CENPK: variants seen among roughly 807,000 people sequenced by gnomAD.
CENPK encodes centromere protein K.
A neutral mutation model predicts 40.9 loss-of-function variants in CENPK; 46 were observed. That is an observed-to-expected ratio of 1.13 (90% confidence interval 0.89 to 1.44). The LOEUF (loss-of-function observed/expected upper bound fraction) is 1.44. Among genes scored for constraint, CENPK ranks in the 40% most tolerant of loss-of-function variants. CENPK has a pLI of 0.00. For synonymous variants in CENPK, 107 were observed against 104.4 expected, an observed-to-expected ratio of 1.02 and a Z score of -0.15; for missense variants, 288 against 303.5, an observed-to-expected ratio of 0.95 and a Z score of 0.38.
At chr5:65,537,298 T>C (rs940350732) in intron 6 of CENPK, among the ~76,000 whole-genome samples, 12 of 152,192 alleles carry the variant, frequency 7.9e-5, no homozygotes. Context: ...TTCTCAGCTA[T>C]AGGTGAATAA....
At chr5:65,502,153 G>A in the CENPK span, among the ~76,000 whole-genome samples, 4 of 152,138 alleles carry the variant, frequency 2.6e-5, no homozygotes, top group African/African-American at 7.2e-5. Flanking sequence ...TTTTTCCATG[G>A]TGTTTAGCTG....
chr5:65,514,471 T>C (rs569741448), downstream of CENPK, among the ~76,000 whole-genome samples: 33 of 152,156 alleles, frequency 2.2e-4, no homozygotes, highest in African/African-American at 8.0e-4. Context: ...TTCACCATAT[T>C]GGTCAGGCTA....
At chr5:65,552,425 A>C (rs1304461631) in intron 4 of CENPK, 68 bp downstream of exon 4, 1 of 979,542 alleles carries the variant, frequency 1.0e-6, no homozygotes, top group Non-Finnish European at 1.5e-6. Context: ...ACAGACACAC[A>C]TATTTATTTT....
At chr5:65,554,773 T>C in intron 3 of CENPK, 24 bp downstream of exon 3, 1 of 1,153,144 alleles carries the variant, frequency 8.7e-7, no homozygotes, top group South Asian at 1.2e-5. Context: ...ATATTAACTA[T>C]CACTTCTATC....
At chr5:65,523,917 C>T (rs1044150651) in intron 9 of CENPK, among the ~76,000 whole-genome samples, 2 of 151,934 alleles carry the variant, frequency 1.3e-5, no homozygotes, top group Non-Finnish European at 2.9e-5. Flanking sequence ...CAATACCTAA[C>T]AGAACTTGAG....
At chr5:65,533,363 A>G (rs953076133) in intron 6 of CENPK, among the ~76,000 whole-genome samples, 1 of 151,850 alleles carries the variant, frequency 6.6e-6, no homozygotes, top group African/African-American at 2.4e-5. Flanking sequence ...ATAAATAAAT[A>G]AATAAATAAA....
chr5:65,527,003 G>A (rs1013956648), intron 9 of CENPK, among the ~76,000 whole-genome samples: 16 of 152,210 alleles, frequency 1.1e-4, no homozygotes, highest in Non-Finnish European at 2.1e-4. Context: ...TGGGACAGGA[G>A]AATCTATCAC....
intron 5 of CENPK, among the ~76,000 whole-genome samples, chr5:65,547,786 TC>T (rs1163017538): frequency 6.6e-6 from 1 of 152,120 alleles, no homozygotes; most frequent in African/African-American, 2.4e-5. Flanking sequence ...TGCCTCAGCA[TC>T]CCAAGTAGCT....
intron 2 of CENPK, among the ~76,000 whole-genome samples, chr5:65,556,479 T>C (rs1227354984): frequency 6.6e-6 from 1 of 151,898 alleles, no homozygotes; most frequent in Non-Finnish European, 1.5e-5. Context: ...TGTCTCTAAA[T>C]TAGAAAATAA....
intron 9 of CENPK, among the ~76,000 whole-genome samples, chr5:65,525,707 C>T (rs1032776396): frequency 6.6e-6 from 1 of 152,096 alleles, no homozygotes; most frequent in Non-Finnish European, 1.5e-5. Context: ...AAAGGATAAA[C>T]GAGGTCATAA....
chr5:65,547,598 G>T (rs1228968383), intron 5 of CENPK, among the ~76,000 whole-genome samples: 1 of 152,042 alleles, frequency 6.6e-6, no homozygotes, highest in East Asian at 1.9e-4. Context: ...AGTCATTAAA[G>T]CAAGAATATG....
At chr5:65,537,314 T>G (rs1747090521) in intron 6 of CENPK, among the ~76,000 whole-genome samples, 1 of 151,178 alleles carries the variant, frequency 6.6e-6, no homozygotes, top group Non-Finnish European at 1.5e-5. Context: ...AATAAACTTG[T>G]TTTTTTTTGA....
intron 5 of CENPK, among the ~76,000 whole-genome samples, chr5:65,549,842 C>T (rs778119754): frequency 6.6e-6 from 1 of 152,140 alleles, no homozygotes; most frequent in Non-Finnish European, 1.5e-5. Flanking sequence ...TCTATAACAG[C>T]AATAAGGCTA....
At chr5:65,555,587 G>A (rs958026037) in intron 2 of CENPK, among the ~76,000 whole-genome samples, 1 of 152,206 alleles carries the variant, frequency 6.6e-6, no homozygotes, top group Admixed American at 6.5e-5. Flanking sequence ...AGTAAGGATA[G>A]AAGCAGGAAA....
chr5:65,526,474 C>A (rs1015344647), intron 9 of CENPK, among the ~76,000 whole-genome samples: 1 of 152,078 alleles, frequency 6.6e-6, no homozygotes, highest in African/African-American at 2.4e-5. Context: ...ACAAACAGAA[C>A]TTTTTCTCCT....
chr5:65,501,182 T>C, the CENPK span, among the ~76,000 whole-genome samples: 1 of 134,468 alleles, frequency 7.4e-6, no homozygotes, highest in Non-Finnish European at 1.6e-5. Flanking sequence ...TTGTTTTTTT[T>C]TTTTTTTTTT....
chr5:65,542,540 G>A (rs1434171263), intron 6 of CENPK, among the ~76,000 whole-genome samples: 1 of 151,996 alleles, frequency 6.6e-6, no homozygotes. Context: ...GGGAGGCTGA[G>A]GCAGGAGACT....
At chr5:65,540,661 A>G (rs1269233935) in intron 6 of CENPK, among the ~76,000 whole-genome samples, 1 of 152,106 alleles carries the variant, frequency 6.6e-6, no homozygotes, top group Non-Finnish European at 1.5e-5. Flanking sequence ...TAAAACCCCA[A>G]AAGAACTGGG....
chr5:65,528,813 G>T, intron 8 of CENPK, 106 bp downstream of exon 8: 1 of 903,360 alleles, frequency 1.1e-6, no homozygotes, highest in Non-Finnish European at 1.6e-6. Context: ...AAAAGTTAGG[G>T]CAAGACTCCT....
Sources: gnomAD v4.1 joint callset for allele counts (sites outside exome capture counted in the v4.1 genomes callset) on GRCh38, gnomAD v4.1.1 for gene constraint, MANE v1.5 for transcripts, NCBI Gene and HGNC (gene_info 2026-07-23, HGNC 2026-07-21) for gene names.